Variants in ATP8A2 observed in about 807,000 individuals in gnomAD.
The protein encoded by ATP8A2 is phospholipid-transporting ATPase IB.
ATP8A2 carries 100 observed loss-of-function variants against 165.6 expected under a neutral mutation model. That is an observed-to-expected ratio of 0.60 (90% CI 0.51 to 0.71). The LOEUF (loss-of-function observed/expected upper bound fraction) is 0.71, where lower values mean the gene tolerates loss of function less well. ATP8A2 is among the 30% of genes least tolerant of loss of function. The pLI, the probability that ATP8A2 is intolerant of heterozygous loss-of-function variation, is 0.00. For missense variants in ATP8A2, 1,227 were observed against 1,479.5 expected (o/e 0.83, Z 2.80); for synonymous variants, 543 against 548.8 (o/e 0.99, Z 0.15).
intron 1 of ATP8A2, among the ~76,000 whole-genome samples, chr13:25,402,357 G>C (rs115644158): frequency 0.01 from 1,590 of 152,322 alleles, 28 homozygotes; most frequent in African/African-American, 0.036. Context: ...GTATATGAGA[G>C]CAAGGTGTCA....
intron 27 of ATP8A2, among the ~76,000 whole-genome samples, chr13:25,780,614 A>G (rs1006662837): frequency 1.3e-5 from 2 of 152,328 alleles, no homozygotes; most frequent in Non-Finnish European, 1.5e-5. Flanking sequence ...ACTGCAGCAG[A>G]GATTCCCAAC....
intron 33 of ATP8A2, among the ~76,000 whole-genome samples, chr13:25,917,563 T>C (rs973946827): frequency 2.0e-5 from 3 of 152,240 alleles, no homozygotes; most frequent in Admixed American, 2.0e-4. Flanking sequence ...AAAGCTAGGC[T>C]ATAGTCTTGG....
At chr13:25,461,852 A>AAGAAGGAGG (rs142817448) in intron 1 of ATP8A2, among the ~76,000 whole-genome samples, 2,148 of 147,774 alleles carry the variant, frequency 0.015, 44 homozygotes, top group African/African-American at 0.047. Context: ...GGAGAAGAAG[A>AAGAAGGAGG]AGGAGGAGGA....
intron 24 of ATP8A2, among the ~76,000 whole-genome samples, chr13:25,680,061 T>C (rs141090059): frequency 2.6e-5 from 4 of 152,222 alleles, no homozygotes; most frequent in African/African-American, 9.6e-5. Context: ...GGAGAGAAAT[T>C]TCATGCTCTA....
chr13:25,899,559 G>T (rs566723959), intron 33 of ATP8A2, among the ~76,000 whole-genome samples: 1 of 152,228 alleles, frequency 6.6e-6, no homozygotes, highest in East Asian at 1.9e-4. Flanking sequence ...CCACTATCTC[G>T]ACTGAGATTG....
At chr13:25,818,630 G>A (rs889726894) in intron 27 of ATP8A2, among the ~76,000 whole-genome samples, 4 of 152,174 alleles carry the variant, frequency 2.6e-5, no homozygotes, top group African/African-American at 9.6e-5. Flanking sequence ...AACTGAGTAA[G>A]CCATAAATAC....
intron 2 of ATP8A2, among the ~76,000 whole-genome samples, chr13:25,520,691 C>T (rs796215876): frequency 1.3e-5 from 2 of 149,396 alleles, no homozygotes; most frequent in East Asian, 4.0e-4. Context: ...AGCTCCGCTT[C>T]TCAGGTTCCA....
At position 26,025,502 on chromosome 13, in the gene ATP8A2, T is replaced by C. The variant is rs1051497800; in HGVS notation, c.*5517T>C. The C allele has an allele frequency of 2.0e-5, 3 of 152,234 alleles. No homozygotes were observed. Among genetic ancestry groups the C allele is most frequent in the African/African-American group, 7.2e-5 (3 of 41,432 alleles). The allele number at this position is 152,234 out of a possible 1,614,324, so 9.4% of individuals were successfully genotyped here. A position where few individuals can be genotyped will look rare whatever the true frequency, so the allele number is the denominator to read the frequency against. On this transcript the variant is annotated 3_prime_UTR_variant, in exon 37 of 37. Coordinates refer to ENST00000381655, the MANE Select transcript of ATP8A2 (RefSeq NM_016529.6). ...CTGTGCCTGGATTGCTTAAATATTG[T>C]TTGTGATGGGGAGGTTTTAATCTGG...
chr13:25,775,127 C>T (rs2044712539), intron 27 of ATP8A2, among the ~76,000 whole-genome samples, 168 bp downstream of exon 27: 1 of 152,182 alleles, frequency 6.6e-6, no homozygotes, highest in South Asian at 2.1e-4. Flanking sequence ...CTGGGCTCGC[C>T]ATTCTGGTCT....
intron 27 of ATP8A2, among the ~76,000 whole-genome samples, chr13:25,804,167 T>C (rs1950679318): frequency 6.6e-6 from 1 of 152,212 alleles, no homozygotes; most frequent in African/African-American, 2.4e-5. Flanking sequence ...TTTTCCAGTA[T>C]GTATAAAATG....
intron 1 of ATP8A2, among the ~76,000 whole-genome samples, chr13:25,382,004 A>G (rs1158709515): frequency 1.3e-5 from 2 of 152,224 alleles, no homozygotes; most frequent in African/African-American, 4.8e-5. Flanking sequence ...GTGACAATGT[A>G]TAATGGCATG....
chr13:25,632,680 A>G (rs982277451), intron 24 of ATP8A2, among the ~76,000 whole-genome samples: 1 of 152,152 alleles, frequency 6.6e-6, no homozygotes, highest in South Asian at 2.1e-4. Context: ...CTCACTGGGT[A>G]GGATGGGCCT....
intron 34 of ATP8A2, among the ~76,000 whole-genome samples, chr13:25,962,267 G>T (rs1243555732): frequency 6.6e-6 from 1 of 152,076 alleles, no homozygotes; most frequent in African/African-American, 2.4e-5. Flanking sequence ...CTATGTATAG[G>T]TAAGTCATTT....
At chr13:25,538,962 G>T (rs951927937) in intron 7 of ATP8A2, among the ~76,000 whole-genome samples, 2 of 151,916 alleles carry the variant, frequency 1.3e-5, no homozygotes, top group African/African-American at 4.8e-5. Flanking sequence ...TGTCCATATT[G>T]ATTGACAACA....
intron 30 of ATP8A2, among the ~76,000 whole-genome samples, chr13:25,857,884 T>C (rs2138742845): frequency 6.6e-6 from 1 of 152,268 alleles, no homozygotes; most frequent in East Asian, 1.9e-4. Flanking sequence ...AATGTATTTC[T>C]TCATAGCACT....
chr13:25,616,034 T>A (rs2040814314), intron 24 of ATP8A2, among the ~76,000 whole-genome samples: 1 of 152,152 alleles, frequency 6.6e-6, no homozygotes, highest in Non-Finnish European at 1.5e-5. Context: ...TTTGTCCAAG[T>A]GGGAACTGCA....
At chr13:25,582,746 G>T (rs866130936) in intron 23 of ATP8A2, among the ~76,000 whole-genome samples, 1 of 152,306 alleles carries the variant, frequency 6.6e-6, no homozygotes, top group Non-Finnish European at 1.5e-5. Flanking sequence ...CTTCAGAGTA[G>T]TCTTCTTGGA....
At chr13:25,969,893 G>T (rs1057298773) in intron 35 of ATP8A2, among the ~76,000 whole-genome samples, 1 of 152,150 alleles carries the variant, frequency 6.6e-6, no homozygotes, top group Non-Finnish European at 1.5e-5. Flanking sequence ...ACTACGCGTG[G>T]TTGAGGCTTG....
At chr13:25,581,198 C>T (rs1566296411) in intron 22 of ATP8A2, among the ~76,000 whole-genome samples, 1 of 152,028 alleles carries the variant, frequency 6.6e-6, no homozygotes, top group East Asian at 1.9e-4. Context: ...TGGAGCAGGC[C>T]GTTTGTACAG....
Sources: allele counts gnomAD v4.1 joint callset (sites outside exome capture counted in the v4.1 genomes callset), GRCh38; gene constraint gnomAD v4.1.1; transcripts MANE v1.5; gene names NCBI Gene and HGNC (gene_info 2026-07-23, HGNC 2026-07-21).